Variants in GPC6 observed in about 807,000 individuals in gnomAD.
The protein encoded by GPC6 is glypican 6.
GPC6 carries 14 observed loss-of-function variants against 55.2 expected under a neutral mutation model. The observed-to-expected ratio is 0.25, with a 90% CI of 0.17 to 0.40. GPC6 has a LOEUF of 0.40. Ranked by LOEUF, GPC6 falls within the 10% of genes least tolerant of loss-of-function variation. GPC6 has a pLI of 1.00. For synonymous variants in GPC6, 278 were observed against 259.6 expected, an observed-to-expected ratio of 1.07 and a Z score of -0.68; for missense variants, 641 against 708.5, an observed-to-expected ratio of 0.90 and a Z score of 1.08.
intron 2 of GPC6, among the ~76,000 whole-genome samples, chr13:93,666,996 C>CT (rs989773975): frequency 2.0e-5 from 3 of 151,120 alleles, no homozygotes; most frequent in South Asian, 4.2e-4. Flanking sequence ...TTCAAAATAA[C>CT]TTTTTTTTTG....
chr13:93,430,331 G>GT (rs34074419), intron 1 of GPC6, among the ~76,000 whole-genome samples: 37,021 of 151,964 alleles, frequency 0.24, 4,477 homozygotes, highest in Middle Eastern at 0.29. Context: ...ATTATACTTT[G>GT]AGCATTAGCA....
rs1414655466 is a variant in GPC6, at chr13:93,830,192, C to T, written c.358C>T (p.Leu120=). Residue 120 remains leucine, a synonymous_variant, in exon 3 of 9, where the codon CTA becomes TTA. Transcript: ENST00000377047. ...GCTCCTGGAGAATGCAGAAAAGTCA[C>T]TAAATGATATGTTTGTACGGACCTA... ...RELLENAEKS[L]NDMFVRTYGM... is the part of the protein sequence containing the mutation. 5.0e-6 allele frequency: 8 copies of T among 1,606,758 alleles called. No homozygotes were observed. The highest frequency in any genetic ancestry group is 1.3e-5 in the African/African-American group (1 of 74,668).
chr13:93,377,815 A>T (rs1332928226), intron 1 of GPC6, among the ~76,000 whole-genome samples: 1 of 152,218 alleles, frequency 6.6e-6, no homozygotes, highest in Non-Finnish European at 1.5e-5. Context: ...TTGCCACATA[A>T]TTTCCTAGAG....
intron 4 of GPC6, among the ~76,000 whole-genome samples, chr13:94,110,349 G>A (rs1177175549): frequency 2.0e-5 from 3 of 152,080 alleles, no homozygotes; most frequent in East Asian, 3.9e-4. Flanking sequence ...AGAGAACACA[G>A]ATGGTTCCTA....
At chr13:93,616,474 C>T (rs1878728430) in intron 2 of GPC6, among the ~76,000 whole-genome samples, 1 of 152,024 alleles carries the variant, frequency 6.6e-6, no homozygotes, top group Non-Finnish European at 1.5e-5. Flanking sequence ...GGGTAAAACA[C>T]ATCTGGTAGA....
At chr13:94,142,525 AAC>A (rs1446030196) in intron 4 of GPC6, among the ~76,000 whole-genome samples, 2 of 152,160 alleles carry the variant, frequency 1.3e-5, no homozygotes, top group Non-Finnish European at 2.9e-5. Flanking sequence ...CTTTTTTAAA[AAC>A]AGTTATTCTG....
intron 2 of GPC6, among the ~76,000 whole-genome samples, chr13:93,598,827 C>G (rs1264500804): frequency 2.0e-5 from 3 of 152,124 alleles, no homozygotes; most frequent in Non-Finnish European, 2.9e-5. Context: ...TGAAATTAAT[C>G]TGATATTTTA....
intron 3 of GPC6, among the ~76,000 whole-genome samples, chr13:93,858,847 T>G (rs1229172272): frequency 6.6e-6 from 1 of 151,330 alleles, no homozygotes; most frequent in Non-Finnish European, 1.5e-5. Context: ...AAACAAGACT[T>G]TTGAGGAATT....
intron 4 of GPC6, among the ~76,000 whole-genome samples, chr13:94,030,039 G>A (rs1883057682): frequency 7.4e-6 from 1 of 135,620 alleles, no homozygotes; most frequent in African/African-American, 2.8e-5. Context: ...GTCTTGCTCT[G>A]TCGCCCAGGC....
intron 7 of GPC6, among the ~76,000 whole-genome samples, chr13:94,387,289 G>A (rs1447011550): frequency 3.3e-5 from 5 of 152,120 alleles, no homozygotes; most frequent in Admixed American, 2.6e-4. Flanking sequence ...CAGGAGGCAG[G>A]GTAAGAGGAG....
At chr13:94,121,466 T>TA (rs1886627669) in intron 4 of GPC6, among the ~76,000 whole-genome samples, 1 of 152,118 alleles carries the variant, frequency 6.6e-6, no homozygotes, top group Admixed American at 6.6e-5. Flanking sequence ...AGTCATTCAA[T>TA]AAAAATGTTT....
At chr13:93,809,885 G>T (rs1886645870) in intron 2 of GPC6, among the ~76,000 whole-genome samples, 1 of 152,180 alleles carries the variant, frequency 6.6e-6, no homozygotes, top group Admixed American at 6.5e-5. Flanking sequence ...TGGCCCCAGA[G>T]AAGTTTCAAG....
At chr13:93,532,644 T>TA (rs1881912666) in intron 1 of GPC6, among the ~76,000 whole-genome samples, 1 of 152,190 alleles carries the variant, frequency 6.6e-6, no homozygotes, top group South Asian at 2.1e-4. Flanking sequence ...CCATATGCTT[T>TA]ATCCCTTGAT....
chr13:94,157,956 A>G (rs142065418), intron 4 of GPC6, among the ~76,000 whole-genome samples: 1 of 152,170 alleles, frequency 6.6e-6, no homozygotes, highest in Non-Finnish European at 1.5e-5. Flanking sequence ...GGCTGGGAAG[A>G]TGGAAATTAC....
At chr13:93,879,507 C>A (rs921725248) in intron 3 of GPC6, among the ~76,000 whole-genome samples, 1 of 151,680 alleles carries the variant, frequency 6.6e-6, no homozygotes, top group Non-Finnish European at 1.5e-5. Context: ...AATTGGCTAG[C>A]CATATGTAGA....
In GPC6 at chr13:93,830,286, C is replaced by A. The variant is rs953867020; in HGVS notation, c.452C>A (p.Thr151Asn). 5.0e-6 allele frequency: 8 copies of A among 1,613,736 alleles called. No individual in the cohort carries two copies. The highest frequency in any genetic ancestry group is 1.3e-5 in the African/African-American group (1 of 74,888). Residue 151 changes from threonine (T) to asparagine (N), a missense_variant, in exon 3 of 9, where the codon ACT (threonine) becomes AAT (asparagine). Thr to Asn is a moderately conservative substitution (Grantham distance 65). Coordinates refer to ENST00000377047, the MANE Select transcript of GPC6 (RefSeq NM_005708.5). ...DLFTELKRYY[T>N]GGNVNLEEML... ...TTCACAGAGCTGAAAAGGTACTACA[C>A]TGGGGGTAATGTGAATCTGGAGGAA...
chr13:94,371,567 C>A (rs139453468), intron 6 of GPC6, among the ~76,000 whole-genome samples: 39 of 152,228 alleles, frequency 2.6e-4, no homozygotes, highest in African/African-American at 8.9e-4. Context: ...TTGTGAAGAT[C>A]GAATGCACGT....
chr13:93,841,392 A>G (rs1887950079), intron 3 of GPC6, among the ~76,000 whole-genome samples: 1 of 152,140 alleles, frequency 6.6e-6, no homozygotes, highest in Admixed American at 6.6e-5. Context: ...CTCCATTGTT[A>G]TCTTTGTCAT....
intron 3 of GPC6, among the ~76,000 whole-genome samples, chr13:93,882,999 C>A (rs1875090763): frequency 1.3e-5 from 2 of 151,952 alleles, no homozygotes; most frequent in African/African-American, 4.8e-5. Context: ...TTTTCCAGGG[C>A]CTTGAATCTC....
Sources: allele counts gnomAD v4.1 joint callset (sites outside exome capture counted in the v4.1 genomes callset), GRCh38; gene constraint gnomAD v4.1.1; transcripts MANE v1.5; gene names NCBI Gene and HGNC (gene_info 2026-07-23, HGNC 2026-07-21).